PRCP: variants seen among roughly 807,000 people sequenced by gnomAD.
PRCP encodes lysosomal Pro-X carboxypeptidase.
A neutral mutation model predicts 54.2 loss-of-function variants in PRCP; 46 were observed. The observed-to-expected ratio is 0.85, with a 90% CI of 0.67 to 1.09. The LOEUF (loss-of-function observed/expected upper bound fraction) is 1.09. Among genes scored for constraint, PRCP ranks in the 50% least tolerant of loss-of-function variants. The probability of loss-of-function intolerance (pLI) is 0.00; values close to 1 mark genes in which losing one functional copy is unlikely to be tolerated. For missense variants in PRCP, 613 were observed against 596.8 expected, an observed-to-expected ratio of 1.03 and a Z score of -0.28; for synonymous variants, 240 against 212.2, an observed-to-expected ratio of 1.13 and a Z score of -1.14.
intron 1 of PRCP, among the ~76,000 whole-genome samples, chr11:82,889,268 G>A (rs1006669737): frequency 6.6e-6 from 1 of 152,060 alleles, no homozygotes; most frequent in African/African-American, 2.4e-5. Context: ...TGAGGCAGGA[G>A]GTTCACCTGA....
chr11:82,842,897 C>T (rs901814763), intron 6 of PRCP, among the ~76,000 whole-genome samples: 4 of 152,210 alleles, frequency 2.6e-5, no homozygotes, highest in African/African-American at 9.6e-5. Flanking sequence ...AAAACAGAAT[C>T]TCTAATATCT....
intron 2 of PRCP, 33 bp from the exon 3 acceptor site, chr11:82,853,311 T>C (rs765481214): frequency 1.3e-6 from 2 of 1,564,978 alleles, no homozygotes; most frequent in Admixed American, 3.6e-5. Context: ...CAGGATAAAA[T>C]CAGAATGTGA....
chr11:82,882,245 A>G (rs1034680232), intron 1 of PRCP, among the ~76,000 whole-genome samples: 2 of 152,226 alleles, frequency 1.3e-5, no homozygotes, highest in Non-Finnish European at 2.9e-5. Context: ...ATAAGTGGAC[A>G]CGTGCAGTTC....
chr11:82,844,647 C>T (rs1361504753), intron 6 of PRCP, among the ~76,000 whole-genome samples: 3 of 147,688 alleles, frequency 2.0e-5, no homozygotes, highest in African/African-American at 7.5e-5. Context: ...GCAGGAGAAT[C>T]GCTTGAACCC....
intron 1 of PRCP, among the ~76,000 whole-genome samples, chr11:82,886,159 T>C (rs969551847): frequency 3.9e-5 from 6 of 152,208 alleles, no homozygotes; most frequent in African/African-American, 1.4e-4. Context: ...AAATCTCCAT[T>C]ATATTTTTGC....
At chr11:82,866,815 G>A (rs562391835) in intron 1 of PRCP, among the ~76,000 whole-genome samples, 120 of 151,736 alleles carry the variant, frequency 7.9e-4, no homozygotes, top group Middle Eastern at 3.4e-3. Flanking sequence ...TCCACCTCCC[G>A]AGTTCAAGCA....
chr11:82,860,684 G>A (rs912044743), intron 1 of PRCP, among the ~76,000 whole-genome samples: 1 of 151,778 alleles, frequency 6.6e-6, no homozygotes, highest in Non-Finnish European at 1.5e-5. Flanking sequence ...AATTTTCATT[G>A]TACAAACTTT....
chr11:82,847,289 C>G (rs1464421489), intron 6 of PRCP, among the ~76,000 whole-genome samples: 7 of 152,202 alleles, frequency 4.6e-5, no homozygotes, highest in Non-Finnish European at 1.0e-4. Context: ...ATGGTCCCCT[C>G]AATCCTCAGT....
In PRCP at chr11:82,824,795, C is replaced by T; in HGVS notation, c.*111G>A. The T allele has an allele frequency of 8.9e-7, 1 of 1,126,650 alleles. No homozygotes were observed. Among genetic ancestry groups the T allele is most frequent in the Non-Finnish European group, 1.3e-6 (1 of 792,680 alleles). The allele number at this position is 1,126,650 out of a possible 1,614,324, so 69.8% of individuals were successfully genotyped here. A position where few individuals can be genotyped will look rare whatever the true frequency, so the allele number is the denominator to read the frequency against. ...CTCTATTCTATCTCAACTTTGGCCC[C>T]ATCAAATCTAATGATAAACAAAAGA... On this transcript the variant is annotated 3_prime_UTR_variant, in exon 9 of 9. Transcript: ENST00000313010.
intron 6 of PRCP, among the ~76,000 whole-genome samples, chr11:82,847,824 C>T (rs1858844136): frequency 6.6e-6 from 1 of 152,050 alleles, no homozygotes; most frequent in South Asian, 2.1e-4. Flanking sequence ...AAACTTCTAG[C>T]CTCAAGCAAT....
chr11:82,826,748 T>TTC (rs2121045430), intron 8 of PRCP: 1 of 152,348 alleles, frequency 6.6e-6, no homozygotes, highest in African/African-American at 2.4e-5. Context: ...TTTTTATATC[T>TTC]TCTTTGGGAA....
chr11:82,894,200 A>G (rs1038239429), intron 1 of PRCP, among the ~76,000 whole-genome samples: 1 of 152,234 alleles, frequency 6.6e-6, no homozygotes, highest in Non-Finnish European at 1.5e-5. Flanking sequence ...CTTCTGCAAT[A>G]GACCCACAAC....
intron 1 of PRCP, among the ~76,000 whole-genome samples, chr11:82,886,932 T>A (rs1419306627): frequency 6.6e-6 from 1 of 152,184 alleles, no homozygotes; most frequent in African/African-American, 2.4e-5. Flanking sequence ...AGAAGGAATA[T>A]CCACACCGTG....
At chr11:82,872,835 C>G (rs139813780) in intron 1 of PRCP, among the ~76,000 whole-genome samples, 1 of 152,012 alleles carries the variant, frequency 6.6e-6, no homozygotes, top group Admixed American at 6.6e-5. Flanking sequence ...GCAATGGAAC[C>G]GAAGCCTGAA....
chr11:82,869,696 A>C (rs1177072407), intron 1 of PRCP, among the ~76,000 whole-genome samples: 1 of 152,216 alleles, frequency 6.6e-6, no homozygotes, highest in Non-Finnish European at 1.5e-5. Flanking sequence ...GAATGCATGC[A>C]TGCATCATGG....
rs557796022 is a variant in PRCP, at chr11:82,875,619, G to A, written c.169-15502C>T. On this transcript the variant is annotated intron_variant, in intron 1 of 8. Coordinates refer to ENST00000313010, the MANE Select transcript of PRCP (RefSeq NM_005040.4). ...GTGTGCCGGGCTATACTGGATACAA[G>A]GATAAAAAGCCTTATTTTTTGCTCT... 3.9e-5 allele frequency among the ~76,000 whole-genome samples: 6 copies of A among 152,262 alleles called. No homozygotes were observed. In the South Asian group the frequency reaches 1.2e-3, roughly 32 times the overall value.
intron 1 of PRCP, among the ~76,000 whole-genome samples, chr11:82,868,121 G>A (rs750535115): frequency 2.7e-4 from 41 of 152,216 alleles, no homozygotes; most frequent in Non-Finnish European, 5.1e-4. Context: ...CCAGTGCAGG[G>A]GAAAACTGAC....
chr11:82,899,976 T>C (rs1860221488), intron 1 of PRCP: 2 of 473,808 alleles, frequency 4.2e-6, no homozygotes, highest in South Asian at 2.3e-5. Flanking sequence ...GGAGTTGAAG[T>C]GACTGTCGTG....
chr11:82,850,407 A>AT lies in PRCP; in HGVS notation c.509dup (p.Asn170LysfsTer20). ...AGCCTCCTATGGCAATGACAGGTTGATTTTCAGCTCCTGGGATTGTTCTTT... is the reference window on the plus strand; with the variant it reads ...AGCCTCCTATGGCAATGACAGGTTGATTTTTCAGCTCCTGGGATTGTTCTTT... On this transcript the variant is annotated frameshift_variant, in exon 4 of 9. Coordinates refer to ENST00000313010, the MANE Select transcript of PRCP (RefSeq NM_005040.4). LOFTEE classifies it high-confidence loss of function. 1 of 1,607,144 alleles carries AT rather than the reference A, an allele frequency of 6.2e-7. No individual in the cohort carries two copies.
Sources: gnomAD v4.1 joint callset for allele counts (sites outside exome capture counted in the v4.1 genomes callset) on GRCh38, gnomAD v4.1.1 for gene constraint, MANE v1.5 for transcripts, NCBI Gene and HGNC (gene_info 2026-07-23, HGNC 2026-07-21) for gene names.